ZNF7: variants seen among roughly 807,000 people sequenced by gnomAD.
ZNF7 encodes the protein C2-H2 type zinc finger protein.
ZNF7 carries 10 observed loss-of-function variants against 12.0 expected under a neutral mutation model. The ratio of observed to expected loss-of-function variants is 0.83; its 90% confidence interval spans 0.51 to 1.42. The LOEUF (loss-of-function observed/expected upper bound fraction) is 1.42. Among genes scored for constraint, ZNF7 ranks in the 40% most tolerant of loss-of-function variants. The pLI, the probability that ZNF7 is intolerant of heterozygous loss-of-function variation, is 0.00. For synonymous variants in ZNF7, 334 were observed against 295.0 expected (o/e 1.13, Z -1.35); for missense variants, 854 against 837.2 (o/e 1.02, Z -0.25).
At chr8:144,847,085 A>T (rs930901201), downstream of ZNF7, 1 of 152,244 alleles carries the variant, frequency 6.6e-6, no homozygotes, top group Non-Finnish European at 1.5e-5. Flanking sequence ...GTGTGAGCAC[A>T]TGACTTAAAT....
At chr8:144,844,709 C>CAAAAAA (rs71320849), downstream of ZNF7, among the ~76,000 whole-genome samples, 27 of 88,638 alleles carry the variant, frequency 3.0e-4, 1 homozygote, top group African/African-American at 1.1e-3. Context: ...GACTCTGTAT[C>CAAAAAA]AAAAAAAAAA....
At chr8:144,828,423 C>G (rs751822405) in intron 1 of ZNF7, among the ~76,000 whole-genome samples, 1 of 151,604 alleles carries the variant, frequency 6.6e-6, no homozygotes, top group African/African-American at 2.4e-5. Flanking sequence ...CTCCTGCCTT[C>G]TCCAACCTCC....
At chr8:144,830,728 C>CTTTTTTTTTTTTT (rs756859185) in intron 3 of ZNF7, among the ~76,000 whole-genome samples, 2 of 139,034 alleles carry the variant, frequency 1.4e-5, no homozygotes, top group Admixed American at 7.2e-5. Context: ...AGTGAGGGTC[C>CTTTTTTTTTTTTT]TTTTTTTTTT....
At chr8:144,831,176 C>CT (rs1363011393) in intron 3 of ZNF7, 2 of 356,864 alleles carry the variant, frequency 5.6e-6, no homozygotes, top group Non-Finnish European at 1.1e-5. Context: ...ACTGGAATTG[C>CT]AGTCATTCCC....
chr8:144,837,212 C>T (rs1829110220), intron 3 of ZNF7, 179 bp from the exon 4 acceptor site: 1 of 498,626 alleles, frequency 2.0e-6, no homozygotes, highest in Non-Finnish European at 3.7e-6. Flanking sequence ...CAGATCTGGA[C>T]AGAAAGGGCT....
At position 144,843,173 on chromosome 8, in the gene ZNF7, C is replaced by G; in HGVS notation, c.*5C>G. ...CAAAAAATTCACATGGGATAGACCA[C>G]TTACATATAAATGTGTATATATGTG... On this transcript the variant is annotated 3_prime_UTR_variant, in exon 5 of 5. Coordinates refer to ENST00000532777, the MANE Select transcript of ZNF7 (RefSeq NM_003416.4). The G allele has an allele frequency of 6.4e-7, 1 of 1,564,074 alleles. No individual in the cohort carries two copies. Among genetic ancestry groups the G allele is most frequent in the Non-Finnish European group, 8.6e-7 (1 of 1,159,624 alleles).
At chr8:144,834,158 A>G (rs1348087505) in intron 3 of ZNF7, 1 of 152,212 alleles carries the variant, frequency 6.6e-6, no homozygotes, top group Non-Finnish European at 1.5e-5. Flanking sequence ...TTTTCTGTCA[A>G]TGTAAAAGTT....
intron 1 of ZNF7, among the ~76,000 whole-genome samples, chr8:144,828,528 T>C (rs138048315): frequency 1.1e-3 from 172 of 152,264 alleles, no homozygotes; most frequent in African/African-American, 4.0e-3. Context: ...CCATTTCTTC[T>C]TGCTTCAGGC....
Position 144,843,069 on chromosome 8 carries a change from A to C in ZNF7, c.1962A>C (p.Arg654Ser). ...RWRSHLIIHQRIHTGEKPYKC... is the reference protein window; with the variant it reads ...RWRSHLIIHQSIHTGEKPYKC... Reference sequence around the variant, plus strand: ...GTTCACACCTAATTATACACCAGAGAATTCACACCGGGGAGAAGCCTTATA... The same window carrying C: ...GTTCACACCTAATTATACACCAGAGCATTCACACCGGGGAGAAGCCTTATA... The change falls in exon 5 of 5, where the codon AGA becomes AGC. Residue 654 changes from arginine to serine, a missense_variant. Physicochemically the swap from Arg to Ser is moderately radical, Grantham distance 110 (BLOSUM62 -1). Transcript: ENST00000532777. 1.2e-6 allele frequency: 2 copies of C among 1,614,010 alleles called. No homozygotes were observed. The highest frequency in any genetic ancestry group is 1.7e-6 in the Non-Finnish European group (2 of 1,179,998).
intron 4 of ZNF7, chr8:144,838,261 A>G: frequency 3.2e-6 from 2 of 624,988 alleles, no homozygotes; most frequent in South Asian, 3.6e-5. Flanking sequence ...GTTAGGGGCC[A>G]CCCCAGTGAC....
rs764369693 is a variant in ZNF7, at chr8:144,841,355, A to G, written c.248A>G (p.Asp83Gly). 1 of 1,597,056 alleles carries G rather than the reference A, an allele frequency of 6.3e-7. No individual in the cohort carries two copies. Among genetic ancestry groups the G allele is most frequent in the East Asian group, 2.2e-5 (1 of 44,496 alleles). Residue 83 changes from aspartate to glycine, a missense_variant and splice_region_variant, in exon 5 of 5, where the codon GAT (aspartate) becomes GGT (glycine). Transcript: ENST00000532777. ...GTEAPRTSKT[D>G]STIRTENEQA... ...ACGTCTTTGTTCCTGTTTATTTCAG[A>G]TTCTACGATTAGGACTGAAAATGAG...
chr8:144,839,618 G>A (rs1829588458), intron 4 of ZNF7, among the ~76,000 whole-genome samples: 1 of 152,248 alleles, frequency 6.6e-6, no homozygotes, highest in Non-Finnish European at 1.5e-5. Context: ...GTAGGTGAGA[G>A]CTGCTGTTGA....
At chr8:144,832,845 A>G (rs1177785521) in intron 3 of ZNF7, among the ~76,000 whole-genome samples, 1 of 152,138 alleles carries the variant, frequency 6.6e-6, no homozygotes, top group African/African-American at 2.4e-5. Flanking sequence ...GGGGTTACGT[A>G]AAAATCCCTG....
rs1830141922 is a variant in ZNF7 at position 144,842,934 on chromosome 8, T to C, written c.1827T>C (p.Phe609=). The C allele has an allele frequency of 6.2e-7, 1 of 1,614,040 alleles. No individual in the cohort carries two copies. The highest frequency in any genetic ancestry group is 1.1e-5 in the South Asian group (1 of 91,078). ...GAATACACACTAGGGCCCAGTGGTT[T>C]TACGAATATGGGAATGCCCTGGAAG... ...HQRIHTRAQW[F]YEYGNALEGS... Residue 609 remains phenylalanine, a synonymous_variant, in exon 5 of 5, where the codon TTT becomes TTC. Transcript: ENST00000532777.
downstream of ZNF7, among the ~76,000 whole-genome samples, chr8:144,845,342 G>A (rs1450762452): frequency 6.6e-5 from 10 of 152,006 alleles, no homozygotes; most frequent in African/African-American, 2.4e-4. Context: ...GGTGAGGAGT[G>A]AGCCTGCTCT....
chr8:144,833,938 C>T (rs1379612431), intron 3 of ZNF7: 6 of 151,954 alleles, frequency 3.9e-5, no homozygotes, highest in Non-Finnish European at 8.8e-5. Context: ...TGCCACTACA[C>T]CCGGCTAATT....
chr8:144,843,237 A>ATCGT lies in ZNF7; in HGVS notation c.*71_*74dup. ...CCTTAACTTACTTATTTTATATGGA[A>ATCGT]TCGTTTATACTGACAAACATGTAGA... On this transcript the variant is annotated 3_prime_UTR_variant, in exon 5 of 5. Transcript: ENST00000532777. 1.4e-6 allele frequency: 2 copies of ATCGT among 1,471,682 alleles called. No homozygotes were observed. Among genetic ancestry groups the ATCGT allele is most frequent in the Admixed American group, 4.6e-5 (2 of 43,174 alleles). The allele number at this position is 1,471,682 out of a possible 1,614,324, so 91.2% of individuals were successfully genotyped here. A position where few individuals can be genotyped will look rare whatever the true frequency, so the allele number is the denominator to read the frequency against.
intron 3 of ZNF7, among the ~76,000 whole-genome samples, chr8:144,831,303 A>G (rs1828419227): frequency 6.6e-6 from 1 of 152,176 alleles, no homozygotes; most frequent in Non-Finnish European, 1.5e-5. Flanking sequence ...GCTTTTGAAG[A>G]CAGTGTAGAG....
rs919175387 is a variant in ZNF7 at position 144,829,153 on chromosome 8, C to T, written c.3+63C>T. On this transcript the variant is annotated intron_variant, in intron 2 of 4. Coordinates refer to ENST00000532777, the MANE Select transcript of ZNF7 (RefSeq NM_003416.4). ...TGTGAAGGCCCACCTCCTGCTCTGC[C>T]CACTGGCCCTGGGCCCAGACCCTAC... 19 of 1,609,890 alleles carry T rather than the reference C, an allele frequency of 1.2e-5. No homozygotes were observed. The African/African-American group carries it at 2.1e-4, about 18-fold the overall frequency.
Sources: gnomAD v4.1 joint callset for allele counts (sites outside exome capture counted in the v4.1 genomes callset) on GRCh38, gnomAD v4.1.1 for gene constraint, MANE v1.5 for transcripts, NCBI Gene and HGNC (gene_info 2026-07-23, HGNC 2026-07-21) for gene names.